SV2C: variants seen among roughly 807,000 people sequenced by gnomAD.
SV2C encodes the protein solute carrier family 22 member B3.
Under a neutral mutation model 79.7 loss-of-function variants are expected in SV2C, and 49 were observed. The observed-to-expected ratio is 0.61, with a 90% CI of 0.49 to 0.78. The LOEUF (loss-of-function observed/expected upper bound fraction) is 0.78. Ranked by LOEUF, SV2C falls within the 30% of genes least tolerant of loss-of-function variation. SV2C has a pLI of 0.00. For missense variants in SV2C, 833 were observed against 912.9 expected (o/e 0.91, Z 1.13); for synonymous variants, 334 against 333.2 (o/e 1.00, Z -0.03).
intron 4 of SV2C, among the ~76,000 whole-genome samples, chr5:76,226,448 CA>C (rs925327422): frequency 6.6e-6 from 1 of 151,432 alleles, no homozygotes; most frequent in Admixed American, 6.6e-5. Context: ...ATCTGATTTC[CA>C]AAAAAAAGGC....
the SV2C span, among the ~76,000 whole-genome samples, chr5:75,921,971 C>G: frequency 6.6e-6 from 1 of 151,904 alleles, no homozygotes; most frequent in Non-Finnish European, 1.5e-5. Context: ...CAAATGCACC[C>G]ATTCAAAAAG....
At chr5:76,290,016 G>A (rs887897365) in intron 6 of SV2C, among the ~76,000 whole-genome samples, 10 of 151,962 alleles carry the variant, frequency 6.6e-5, no homozygotes, top group African/African-American at 1.9e-4. Flanking sequence ...AACAAATATC[G>A]ATGAGTGAAA....
At chr5:75,943,693 A>G in the SV2C span, among the ~76,000 whole-genome samples, 38,151 of 152,034 alleles carry the variant, frequency 0.25, 5,708 homozygotes, top group East Asian at 0.45. Flanking sequence ...CTTTAGTTTT[A>G]TTGTCCTAAA....
chr5:76,249,819 A>G (rs1746058789), intron 4 of SV2C, among the ~76,000 whole-genome samples: 4 of 152,170 alleles, frequency 2.6e-5, no homozygotes, highest in African/African-American at 9.7e-5. Context: ...GCACTGAGCG[A>G]GACCCAATCG....
the SV2C span, among the ~76,000 whole-genome samples, chr5:75,914,518 T>TC: frequency 6.6e-6 from 1 of 152,256 alleles, no homozygotes; most frequent in Admixed American, 6.6e-5. Flanking sequence ...GAATTCAGCC[T>TC]CCCACAAGTG....
At chr5:76,349,631 C>CACAAGA (rs897728825) in intron 12 of SV2C, among the ~76,000 whole-genome samples, 13 of 151,804 alleles carry the variant, frequency 8.6e-5, no homozygotes, top group African/African-American at 2.9e-4. Flanking sequence ...TTTGGCTCTC[C>CACAAGA]ACAAGAACAC....
At chr5:75,980,770 A>G in the SV2C span, among the ~76,000 whole-genome samples, 1 of 152,202 alleles carries the variant, frequency 6.6e-6, no homozygotes, top group Non-Finnish European at 1.5e-5. Flanking sequence ...GAATGAGAAA[A>G]AGCTGAAAGC....
At chr5:75,857,966 A>G in the SV2C span, among the ~76,000 whole-genome samples, 1 of 152,210 alleles carries the variant, frequency 6.6e-6, no homozygotes, top group Non-Finnish European at 1.5e-5. Context: ...GTATCCTGCA[A>G]CTTTACTGAT....
intron 4 of SV2C, among the ~76,000 whole-genome samples, chr5:76,248,033 A>C (rs1745996708): frequency 6.6e-6 from 1 of 152,236 alleles, no homozygotes; most frequent in Non-Finnish European, 1.5e-5. Context: ...TTTTTGGTTC[A>C]GAGCTGCTAA....
At chr5:76,096,559 C>A (rs772002187) in intron 1 of SV2C, among the ~76,000 whole-genome samples, 1 of 151,954 alleles carries the variant, frequency 6.6e-6, no homozygotes, top group African/African-American at 2.4e-5. Flanking sequence ...AATAAATTAC[C>A]CAGTTCATGT....
the SV2C span, among the ~76,000 whole-genome samples, chr5:76,027,831 C>T: frequency 1.3e-5 from 2 of 152,202 alleles, no homozygotes; most frequent in African/African-American, 2.4e-5. Flanking sequence ...GCATACTCTA[C>T]TCTGTGCTCC....
At chr5:76,292,174 A>G (rs978829848) in intron 8 of SV2C, among the ~76,000 whole-genome samples, 1 of 152,018 alleles carries the variant, frequency 6.6e-6, no homozygotes, top group Non-Finnish European at 1.5e-5. Flanking sequence ...TTCTTTGAAC[A>G]TTCTAGAACA....
chr5:76,315,551 C>G (rs2112551355), intron 12 of SV2C, among the ~76,000 whole-genome samples: 1 of 152,162 alleles, frequency 6.6e-6, no homozygotes, highest in Admixed American at 6.5e-5. Context: ...CCAGAGGTGA[C>G]CTGGACCTAA....
chr5:76,012,743 A>C, the SV2C span, among the ~76,000 whole-genome samples: 1 of 152,140 alleles, frequency 6.6e-6, no homozygotes, highest in Admixed American at 6.5e-5. Flanking sequence ...TTTAGTTCTT[A>C]CATCTAAGTC....
At chr5:76,209,588 A>T (rs550747737) in intron 3 of SV2C, 148 bp from the exon 4 acceptor site, 1 of 819,754 alleles carries the variant, frequency 1.2e-6, no homozygotes, top group East Asian at 3.0e-5. Context: ...TAATTTTTAC[A>T]TTGTAAAATA....
chr5:76,111,633 T>C (rs1156364759), intron 1 of SV2C, among the ~76,000 whole-genome samples: 1 of 152,174 alleles, frequency 6.6e-6, no homozygotes, highest in African/African-American at 2.4e-5. Flanking sequence ...AACAGCTCAC[T>C]ACTCAGTGAC....
intron 1 of SV2C, among the ~76,000 whole-genome samples, chr5:76,088,436 G>T (rs1402306273): frequency 6.6e-6 from 1 of 152,168 alleles, no homozygotes; most frequent in Non-Finnish European, 1.5e-5. Context: ...GAAATTCCAA[G>T]ATCAAGTTCC....
chr5:76,258,767 C>G (rs898823664), intron 4 of SV2C, among the ~76,000 whole-genome samples: 2 of 152,286 alleles, frequency 1.3e-5, no homozygotes, highest in South Asian at 2.1e-4. Flanking sequence ...ACCCATGTAA[C>G]CACCACCCAA....
At chr5:76,172,269 G>T (rs1743315552) in intron 2 of SV2C, among the ~76,000 whole-genome samples, 1 of 105,368 alleles carries the variant, frequency 9.5e-6, no homozygotes, top group African/African-American at 3.1e-5. Flanking sequence ...CCGGCCAGCC[G>T]CCCCGTCCGG....
Sources: allele counts gnomAD v4.1 joint callset (sites outside exome capture counted in the v4.1 genomes callset), GRCh38; gene constraint gnomAD v4.1.1; transcripts MANE v1.5; gene names NCBI Gene and HGNC (gene_info 2026-07-23, HGNC 2026-07-21).